Variants in GAS7 observed in about 807,000 individuals in gnomAD.
GAS7 encodes growth arrest-specific protein 7.
A neutral mutation model predicts 71.1 loss-of-function variants in GAS7; 28 were observed. The observed-to-expected ratio is 0.39, with a 90% CI of 0.29 to 0.54. The LOEUF (loss-of-function observed/expected upper bound fraction) is 0.54. Among genes scored for constraint, GAS7 ranks in the 20% least tolerant of loss-of-function variants. The pLI is 0.62. For missense variants in GAS7, 436 were observed against 627.8 expected, an observed-to-expected ratio of 0.69 and a Z score of 3.27; for synonymous variants, 258 against 245.8, an observed-to-expected ratio of 1.05 and a Z score of -0.46.
At chr17:10,106,658 C>A (rs2073759172) in intron 1 of GAS7, among the ~76,000 whole-genome samples, 1 of 152,228 alleles carries the variant, frequency 6.6e-6, no homozygotes, top group South Asian at 2.1e-4. Context: ...TTAAAGATCA[C>A]TTAACCAATT....
At chr17:9,930,290 G>T (rs1368176266) in intron 9 of GAS7, among the ~76,000 whole-genome samples, 1 of 152,194 alleles carries the variant, frequency 6.6e-6, no homozygotes, top group African/African-American at 2.4e-5. Context: ...ATGCATCATT[G>T]TAAGTCACTG....
At chr17:10,135,659 T>C (rs1251393282) in intron 1 of GAS7, among the ~76,000 whole-genome samples, 2 of 152,180 alleles carry the variant, frequency 1.3e-5, no homozygotes, top group Admixed American at 1.3e-4. Flanking sequence ...CAATGCCTTC[T>C]TTTTCTTTCC....
In GAS7 at chr17:10,034,060, G is replaced by A. The variant is rs1467879870; in HGVS notation, c.184-14163C>T. On this transcript the variant is annotated intron_variant, in intron 1 of 13. Coordinates refer to ENST00000432992, the MANE Select transcript of GAS7 (RefSeq NM_201433.2). The surrounding 1 kb of genome is among the most constrained non-coding windows in gnomAD (Gnocchi z 4.4). ...AGCTGCTGCCGCTGGCACATATAAAGTAGGCAAATGGTGACAGCCAAGGGC... is the reference window on the plus strand; with the variant it reads ...AGCTGCTGCCGCTGGCACATATAAAATAGGCAAATGGTGACAGCCAAGGGC... 9.5e-6 allele frequency: 9 copies of A among 942,866 alleles called. No individual in the cohort carries two copies. The highest frequency in any genetic ancestry group is 1.8e-5 in the African/African-American group (1 of 56,446). The allele number at this position is 942,866 out of a possible 1,614,324, so 58.4% of individuals were successfully genotyped here. A position where few individuals can be genotyped will look rare whatever the true frequency, so the allele number is the denominator to read the frequency against.
At position 9,935,988 on chromosome 17, in the gene GAS7, G is replaced by A. The variant is rs576359137; in HGVS notation, c.807-1744C>T. On this transcript the variant is annotated intron_variant, in intron 8 of 13. Transcript: ENST00000432992. ...ACAGATCAGCGGAACAGAACACAAA[G>A]TCACCCAGCTAGGGCCGATTGACTG... Among the ~76,000 whole-genome samples, 446 of 152,332 alleles carry A rather than the reference G, an allele frequency of 2.9e-3. 1 individual carries two copies. The highest frequency in any genetic ancestry group is 4.9e-3 in the Non-Finnish European group (332 of 68,028).
rs397716493 is a variant in GAS7, at chr17:9,919,187, C to CA, written c.1218+438dup. Among the ~76,000 whole-genome samples the CA allele has an allele frequency of 3.9e-5, 6 of 152,054 alleles. No individual in the cohort carries two copies. The highest frequency in any genetic ancestry group is 2.1e-4 in the South Asian group (1 of 4,820). On this transcript the variant is annotated intron_variant, in intron 12 of 13. Coordinates refer to ENST00000432992, the MANE Select transcript of GAS7 (RefSeq NM_201433.2). The surrounding 1 kb of genome is among the most constrained non-coding windows in gnomAD (Gnocchi z 5.0). ...TTCACCCTTGGTGAGAGGCCTCCCC[C>CA]ACCCCACTGCCTAGCTCCATCCTCA...
intron 1 of GAS7, among the ~76,000 whole-genome samples, chr17:10,150,563 T>C (rs1164698185): frequency 6.7e-6 from 1 of 149,974 alleles, no homozygotes; most frequent in Non-Finnish European, 1.5e-5. Flanking sequence ...TGGAGTCATC[T>C]GGACTCAGTA....
At position 10,038,843 on chromosome 17, in the gene GAS7, GTGCGCACCACCA is replaced by G. The variant is rs377377234; in HGVS notation, c.184-18958_184-18947del. On this transcript the variant is annotated intron_variant, in intron 1 of 13. Transcript: ENST00000432992. ...GCCTCCCAAGTAGCTGGGACTACAG[GTGCGCACCACCA>G]TGCCTGGCTAATTGGAAGGAAATTT... Among the ~76,000 whole-genome samples, 42 of 152,154 alleles carry G rather than the reference GTGCGCACCACCA, an allele frequency of 2.8e-4. 2 individuals carry two copies. In the South Asian group the frequency reaches 8.5e-3, roughly 31 times the overall value.
intron 8 of GAS7, 75 bp downstream of exon 8, chr17:9,940,051 C>T (rs2068545989): frequency 1.2e-6 from 1 of 869,488 alleles, no homozygotes; most frequent in African/African-American, 1.6e-5. Context: ...TGCCAGTGAT[C>T]AGTGATAGTG....
intron 1 of GAS7, among the ~76,000 whole-genome samples, chr17:10,117,487 G>A (rs739352): frequency 0.86 from 130,782 of 152,156 alleles, 56,428 homozygotes; most frequent in Non-Finnish European, 0.89. Context: ...GAGGAAGCAT[G>A]CCTGGAACAT....
chr17:9,950,755 C>T (rs1371378397), intron 5 of GAS7, among the ~76,000 whole-genome samples: 1 of 151,900 alleles, frequency 6.6e-6, no homozygotes, highest in Admixed American at 6.6e-5. Context: ...ACTCGAGAGG[C>T]TGAGGCAGGA....
intron 1 of GAS7, among the ~76,000 whole-genome samples, chr17:10,085,706 A>AAAAAAAAAAAAAAAGAAAGAAAG (rs1555531934): frequency 1.5e-5 from 2 of 134,918 alleles, no homozygotes; most frequent in Non-Finnish European, 3.1e-5. Context: ...AAAAAAAAAA[A>AAAAAAAAAAAAAAAGAAAGAAAG]AAAGAAAGAA....
chr17:10,039,717 G>C (rs1037160922), intron 1 of GAS7: 11 of 455,342 alleles, frequency 2.4e-5, no homozygotes, highest in African/African-American at 2.2e-4. Context: ...GACGAGGCTG[G>C]CCACCTATAG....
rs1309692420 is a variant in GAS7, at chr17:9,974,411, G to A, written c.386-4649C>T. 3.9e-5 allele frequency among the ~76,000 whole-genome samples: 6 copies of A among 152,090 alleles called. No individual in the cohort carries two copies. Among genetic ancestry groups the A allele is most frequent in the South Asian group, 2.1e-4 (1 of 4,828 alleles). On this transcript the variant is annotated intron_variant, in intron 3 of 13. Transcript: ENST00000432992. This position sits in a 1 kb window ranked among gnomAD's most constrained non-coding sequence, Gnocchi z 4.0. Reference sequence around the variant, plus strand: ...CAGGGTCAGCCACAAAACAAATGAGGCGAGAAGTGGGTGCTTCTGGGGCCT... The same window carrying A: ...CAGGGTCAGCCACAAAACAAATGAGACGAGAAGTGGGTGCTTCTGGGGCCT...
At chr17:10,112,011 C>T (rs1426308586) in intron 1 of GAS7, among the ~76,000 whole-genome samples, 1 of 152,258 alleles carries the variant, frequency 6.6e-6, no homozygotes, top group East Asian at 1.9e-4. Flanking sequence ...AGAACCACTT[C>T]CGCAGTTGCA....
intron 2 of GAS7, among the ~76,000 whole-genome samples, chr17:10,003,288 C>T (rs2071344016): frequency 6.6e-6 from 1 of 152,216 alleles, no homozygotes; most frequent in African/African-American, 2.4e-5. Context: ...GTAAAGAAAG[C>T]ACAGGATAGC....
intron 1 of GAS7, among the ~76,000 whole-genome samples, chr17:10,079,726 G>A (rs1335736595): frequency 6.6e-6 from 1 of 152,054 alleles, no homozygotes; most frequent in African/African-American, 2.4e-5. Flanking sequence ...TGACCACCTT[G>A]GCCACATGTT....
intron 2 of GAS7, among the ~76,000 whole-genome samples, chr17:10,004,823 A>G (rs2071404211): frequency 6.6e-6 from 1 of 152,178 alleles, no homozygotes; most frequent in South Asian, 2.1e-4. Flanking sequence ...CAGCCTGACC[A>G]ACATGGTGAA....
At chr17:9,943,067 G>C (rs1228701497) in intron 7 of GAS7, 54 bp downstream of exon 7, 1 of 1,184,460 alleles carries the variant, frequency 8.4e-7, no homozygotes, top group Admixed American at 1.7e-5. Flanking sequence ...CGGCCACGGG[G>C]CCCCGGGGAA....
chr17:10,099,859 CACTTAAG>C (rs1300090767), intron 1 of GAS7, among the ~76,000 whole-genome samples: 2 of 152,290 alleles, frequency 1.3e-5, no homozygotes, highest in African/African-American at 2.4e-5. Context: ...CTTCCAAATT[CACTTAAG>C]ACTTAAGACT....
Sources: gnomAD v4.1 joint callset for allele counts (sites outside exome capture counted in the v4.1 genomes callset) on GRCh38, gnomAD v4.1.1 for gene constraint, Gnocchi (gnomAD v3.1) non-coding constraint, MANE v1.5 for transcripts, NCBI Gene and HGNC (gene_info 2026-07-23, HGNC 2026-07-21) for gene names.